The following STAC3 variants were observed in gnomAD, a reference collection of about 807,000 sequenced individuals.
The protein encoded by STAC3 is SH3 and cysteine rich domain 3.
In STAC3, 30 loss-of-function variants were observed where a neutral mutation model predicts 48.5. The observed-to-expected ratio is 0.62, with a 90% CI of 0.46 to 0.84. STAC3 has a LOEUF of 0.84. Ranked by LOEUF, STAC3 falls within the 40% of genes least tolerant of loss-of-function variation. The probability of loss-of-function intolerance (pLI) is 0.00; values close to 1 mark genes in which losing one functional copy is unlikely to be tolerated. For missense variants in STAC3, 419 were observed against 462.6 expected (o/e 0.91, Z 0.86); for synonymous variants, 144 against 158.6 (o/e 0.91, Z 0.69).
intron 6 of STAC3, 97 bp downstream of exon 6, chr12:57,246,707 G>C: frequency 8.5e-7 from 1 of 1,177,546 alleles, no homozygotes; most frequent in Non-Finnish European, 1.3e-6. Context: ...AATTTTAGGG[G>C]AAGACAATCC....
intron 1 of STAC3, among the ~76,000 whole-genome samples, chr12:57,250,339 G>A (rs754808930): frequency 1.4e-5 from 2 of 146,358 alleles, no homozygotes; most frequent in Non-Finnish European, 1.5e-5. Context: ...GCAGTGAGCC[G>A]GGATTGTGCC....
At position 57,249,207 on chromosome 12, in the gene STAC3, C is replaced by T. The variant is rs1048590200; in HGVS notation, c.168G>A (p.Gly56=). 2 of 1,614,070 alleles carry T rather than the reference C, an allele frequency of 1.2e-6. No homozygotes were observed. The highest frequency in any genetic ancestry group is 1.7e-6 in the Non-Finnish European group (2 of 1,180,026). The change falls in exon 3 of 12, where the codon GGG becomes GGA. Residue 56 remains glycine, a synonymous_variant. Coordinates refer to ENST00000332782, the MANE Select transcript of STAC3 (RefSeq NM_145064.3). ...PQANGEAVGA[G]GGPIYYIYEE... is the part of the protein sequence containing the mutation. ...CATAGATGTAGTAGATGGGCCCACC[C>T]CCAGCTCCCACTGCCTCCCCATTGG...
Position 57,248,594 on chromosome 12 carries a change from C to T in STAC3, c.432+112G>A, listed in dbSNP as rs1419065643. The T allele has an allele frequency of 1.5e-5, 12 of 799,474 alleles. No individual in the cohort carries two copies. In the East Asian group the frequency reaches 1.6e-4, roughly 11 times the overall value. The allele number at this position is 799,474 out of a possible 1,614,324, so 49.5% of individuals were successfully genotyped here. A position where few individuals can be genotyped will look rare whatever the true frequency, so the allele number is the denominator to read the frequency against. On this transcript the variant is annotated intron_variant, in intron 4 of 11. Coordinates refer to ENST00000332782, the MANE Select transcript of STAC3 (RefSeq NM_145064.3). ...TTCACTGTGTTAGCCAGGATGGTCTCGATCTCCTGACCTCGTGATCCGCCC... is the reference window on the plus strand; with the variant it reads ...TTCACTGTGTTAGCCAGGATGGTCTTGATCTCCTGACCTCGTGATCCGCCC...
intron 7 of STAC3, 28 bp downstream of exon 7, chr12:57,245,117 T>A (rs772792022): frequency 4.3e-6 from 7 of 1,613,444 alleles, no homozygotes; most frequent in Non-Finnish European, 5.1e-6. Flanking sequence ...TCCTACTCCA[T>A]CTCTGGATGG....
chr12:57,244,267 T>C, intron 10 of STAC3, 42 bp from the exon 11 acceptor site: 1 of 1,614,152 alleles, frequency 6.2e-7, no homozygotes, highest in South Asian at 1.1e-5. Flanking sequence ...CAATGTCGGG[T>C]TCTGGACTCA....
intron 1 of STAC3, among the ~76,000 whole-genome samples, chr12:57,249,957 C>T (rs981166474): frequency 6.6e-6 from 1 of 152,168 alleles, no homozygotes; most frequent in Non-Finnish European, 1.5e-5. Flanking sequence ...GCTTTGTTGC[C>T]TAGGCTGGTC....
Position 57,246,997 on chromosome 12 carries a change from CAT to C in STAC3, c.506-98_506-97del. 4 of 1,251,516 alleles carry C rather than the reference CAT, an allele frequency of 3.2e-6. 1 individual carries two copies. The South Asian group carries it at 4.8e-5, about 15-fold the overall frequency. 77.5% of individuals were successfully genotyped at this position (1,251,516 alleles called of 1,614,324 possible). On this transcript the variant is annotated intron_variant, in intron 5 of 11. Coordinates refer to ENST00000332782, the MANE Select transcript of STAC3 (RefSeq NM_145064.3). ...AGGTGGGATTGAGTAGATGGATACCCATGTGTGTGTTGGGTGGCGGTGGGGGC... is the reference window on the plus strand; with the variant it reads ...AGGTGGGATTGAGTAGATGGATACCCGTGTGTGTTGGGTGGCGGTGGGGGC...
Position 57,249,082 on chromosome 12 carries a change from T to A in STAC3, c.293A>T (p.Lys98Met). 1 of 1,609,864 alleles carries A rather than the reference T, an allele frequency of 6.2e-7. No individual in the cohort carries two copies. Among genetic ancestry groups the A allele is most frequent in the African/African-American group, 1.3e-5 (1 of 74,906 alleles). ...ACAGACATCACAGAACTTTGGCTTC[T>A]TGAAGAAGTGATCTTTGAATTTGTG... ...KPHKFKDHFF[K>M]KPKFCDVCAR... Residue 98 changes from lysine to methionine, a missense_variant, in exon 3 of 12, where the codon AAG becomes ATG. Transcript: ENST00000332782.
chr12:57,243,885 G>T lies in STAC3; in HGVS notation c.1022C>A (p.Ala341Glu). 6.2e-7 allele frequency: 1 copy of T among 1,613,850 alleles called. No homozygotes were observed. The highest frequency in any genetic ancestry group is 8.5e-7 in the Non-Finnish European group (1 of 1,179,930). Residue 341 changes from alanine to glutamate, a missense_variant, in exon 12 of 12, where the codon GCG (alanine) becomes GAG (glutamate). Physicochemically the swap from Ala to Glu is moderately radical, Grantham distance 107. Coordinates refer to ENST00000332782, the MANE Select transcript of STAC3 (RefSeq NM_145064.3). ...DQIVVQKGDE[A>E]GGYVKVYTGR... ...GGTGTAGACCTTGACGTAGCCGCCC[G>T]CTTCGTCTCCTTTCTGCACCACGAT... is the stretch of plus-strand genomic sequence containing the variant.
In STAC3 at chr12:57,245,196, T is replaced by A; in HGVS notation, c.619A>T (p.Met207Leu). The change falls in exon 7 of 12, where the codon ATG (methionine) becomes TTG (leucine). Residue 207 changes from methionine (M) to leucine (L), a missense_variant. By Grantham distance (15) the Met-to-Leu change is conservative. Transcript: ENST00000332782. ...ADKKNPVAAM[M>L]EEEPESARPE... is the part of the protein sequence containing the mutation. ...CTGGCCGACTCTGGCTCCTCCTCCA[T>A]CATGGCTGCTACAGGCTGGAGGGGG... The A allele has an allele frequency of 6.2e-7, 1 of 1,614,064 alleles. No homozygotes were observed. The highest frequency in any genetic ancestry group is 8.5e-7 in the Non-Finnish European group (1 of 1,179,990).
In STAC3 at chr12:57,248,161, TAG is replaced by T; in HGVS notation, c.468_469del (p.Tyr157GlnfsTer18). 1 of 1,613,940 alleles carries T rather than the reference TAG, an allele frequency of 6.2e-7. No individual in the cohort carries two copies. Among genetic ancestry groups the T allele is most frequent in the Non-Finnish European group, 8.5e-7 (1 of 1,179,940 alleles). ...GACACAAGCGTACTGCTGGTTGCTG[TAG>T]AGTGGGGAACTATAGGCCCGATGGA... On this transcript the variant is annotated frameshift_variant, in exon 5 of 12. Coordinates refer to ENST00000332782, the MANE Select transcript of STAC3 (RefSeq NM_145064.3). LOFTEE classifies it high-confidence loss of function.
chr12:57,248,420 C>A (rs1372927563), intron 4 of STAC3: 4 of 574,008 alleles, frequency 7.0e-6, no homozygotes, highest in African/African-American at 5.7e-5. Flanking sequence ...GCTCTGTCAC[C>A]CAGGCTGGAG....
intron 1 of STAC3, among the ~76,000 whole-genome samples, 165 bp downstream of exon 1, chr12:57,250,827 AC>A (rs1336212081): frequency 2.0e-5 from 1 of 49,174 alleles, no homozygotes; most frequent in Non-Finnish European, 4.4e-5. Context: ...CCCCACCCCC[AC>A]CCCCCGCTTC....
At position 57,244,453 on chromosome 12, in the gene STAC3, T is replaced by TC; in HGVS notation, c.806+83dup. On this transcript the variant is annotated intron_variant, in intron 9 of 11. Transcript: ENST00000332782. ...GCATCAATAGGCTCCAAGCCCTGAG[T>TC]CCCCCCTTTTCCTTTCCCTTGGGGG... The TC allele has an allele frequency of 3.1e-6, 5 of 1,611,708 alleles. 1 individual carries two copies. The highest frequency in any genetic ancestry group is 1.7e-6 in the Non-Finnish European group (2 of 1,178,394).
rs2037694888 is a variant in STAC3 at position 57,244,903 on chromosome 12, G to A, written c.720+13C>T. Reference sequence around the variant, plus strand: ...AGAGAACTGGGTTCCTTGCAGGGAGGAAGGATTCTTACCTTGTCATCAGGT... The same window carrying A: ...AGAGAACTGGGTTCCTTGCAGGGAGAAAGGATTCTTACCTTGTCATCAGGT... On this transcript the variant is annotated intron_variant, in intron 8 of 11. Transcript: ENST00000332782. The A allele has an allele frequency of 6.2e-7, 1 of 1,613,968 alleles. No homozygotes were observed. Among genetic ancestry groups the A allele is most frequent in the Admixed American group, 1.7e-5 (1 of 60,002 alleles).
At position 57,249,607 on chromosome 12, in the gene STAC3, A is replaced by AG. The variant is rs1438207274; in HGVS notation, c.29dup (p.Lys11Ter). The stretch of plus-strand genomic sequence containing the variant: ...GAGTCTCTGCTGGGAAGGAGGGCTT[A>AG]GGGGACTCCAGCACCTCCTTTTCTG... On this transcript the variant is annotated frameshift_variant, in exon 2 of 12. Coordinates refer to ENST00000332782, the MANE Select transcript of STAC3 (RefSeq NM_145064.3). LOFTEE classifies it high-confidence loss of function. 5 of 1,614,102 alleles carry AG rather than the reference A, an allele frequency of 3.1e-6. No individual in the cohort carries two copies. The highest frequency in any genetic ancestry group is 4.2e-6 in the Non-Finnish European group (5 of 1,180,006).
rs1315635555 is a variant in STAC3, at chr12:57,244,334, G to A, written c.839C>T (p.Ser280Phe). Residue 280 changes from serine (S) to phenylalanine (F), a missense_variant, in exon 10 of 12, where the codon TCC becomes TTC. Coordinates refer to ENST00000332782, the MANE Select transcript of STAC3 (RefSeq NM_145064.3). ...TCTCACCCGCCACCATTCTTCATTG[G>A]AGTCATCAATGACTGTGATCTTCTC... The part of the protein sequence containing the change: ...PGEKITVIDD[S>F]NEEWWRGKIG... 1 of 1,614,020 alleles carries A rather than the reference G, an allele frequency of 6.2e-7. No homozygotes were observed. The highest frequency in any genetic ancestry group is 1.7e-5 in the Admixed American group (1 of 60,012).
chr12:57,245,737 T>G (rs1443988155), intron 6 of STAC3, among the ~76,000 whole-genome samples: 2 of 151,986 alleles, frequency 1.3e-5, no homozygotes, highest in African/African-American at 4.8e-5. Context: ...TGTAGCTAAA[T>G]AACAGGGAAT....
chr12:57,246,467 C>CCGGGTT (rs2037744602), intron 6 of STAC3, among the ~76,000 whole-genome samples: 1 of 151,618 alleles, frequency 6.6e-6, no homozygotes, highest in African/African-American at 2.4e-5. Flanking sequence ...CCTCTGCCTC[C>CCGGGTT]CGGGTTCAAG....
Sources: gnomAD v4.1 joint callset for allele counts (sites outside exome capture counted in the v4.1 genomes callset) on GRCh38, gnomAD v4.1.1 for gene constraint, MANE v1.5 for transcripts, NCBI Gene and HGNC (gene_info 2026-07-23, HGNC 2026-07-21) for gene names.